DCBLD2: variants seen among roughly 807,000 people sequenced by gnomAD.
DCBLD2 encodes the protein discoidin, CUB and LCCL domain-containing protein 2.
DCBLD2 carries 54 observed loss-of-function variants against 86.8 expected under a neutral mutation model. That is an observed-to-expected ratio of 0.62 (90% CI 0.50 to 0.78). The LOEUF (loss-of-function observed/expected upper bound fraction) is 0.78. Ranked by LOEUF, DCBLD2 falls within the 30% of genes least tolerant of loss-of-function variation. The probability of loss-of-function intolerance (pLI) is 0.00; values close to 1 mark genes in which losing one functional copy is unlikely to be tolerated. For missense variants in DCBLD2, 908 were observed against 954.2 expected, an observed-to-expected ratio of 0.95 and a Z score of 0.64; for synonymous variants, 354 against 341.3, an observed-to-expected ratio of 1.04 and a Z score of -0.41.
chr3:98,884,989 G>A (rs1943535854), intron 1 of DCBLD2, among the ~76,000 whole-genome samples: 2 of 152,024 alleles, frequency 1.3e-5, no homozygotes, highest in South Asian at 2.1e-4. Context: ...ATAAATACAC[G>A]AACATTTACT....
intron 2 of DCBLD2, among the ~76,000 whole-genome samples, chr3:98,854,300 T>C (rs1202096142): frequency 1.3e-5 from 2 of 152,164 alleles, no homozygotes; most frequent in Admixed American, 6.5e-5. Context: ...TTGAGGACCA[T>C]TGTCTTATGC....
intron 2 of DCBLD2, among the ~76,000 whole-genome samples, chr3:98,879,009 T>C (rs1325899708): frequency 1.3e-5 from 2 of 152,018 alleles, no homozygotes; most frequent in African/African-American, 4.8e-5. Flanking sequence ...AGCGAGCAAT[T>C]TGAAACCTGT....
Position 98,901,114 on chromosome 3 carries a change from C to T in DCBLD2, c.205+8G>A. The T allele has an allele frequency of 6.5e-7, 1 of 1,539,612 alleles. No homozygotes were observed. Among genetic ancestry groups the T allele is most frequent in the Middle Eastern group, 1.8e-4 (1 of 5,576 alleles). On this transcript the variant is annotated splice_region_variant and intron_variant, in intron 1 of 15. Coordinates refer to ENST00000326840, the MANE Select transcript of DCBLD2 (RefSeq NM_080927.4). ...TCCCCCGCCGCTCACTCCCCTGGGA[C>T]CACTCACCTTGCTGGGCTCCAGCGT...
intron 1 of DCBLD2, among the ~76,000 whole-genome samples, chr3:98,893,882 C>A (rs1332216650): frequency 1.3e-5 from 2 of 152,176 alleles, no homozygotes; most frequent in African/African-American, 4.8e-5. Context: ...TACAAATCAG[C>A]TTTACAAAGT....
At chr3:98,885,209 C>A (rs1164582637) in intron 1 of DCBLD2, among the ~76,000 whole-genome samples, 1 of 152,096 alleles carries the variant, frequency 6.6e-6, no homozygotes, top group Non-Finnish European at 1.5e-5. Flanking sequence ...GAGCTTCCTC[C>A]TCTTGCAAGC....
chr3:98,900,792 C>T (rs1409952522), intron 1 of DCBLD2: 4 of 386,862 alleles, frequency 1.0e-5, no homozygotes, highest in African/African-American at 2.1e-5. Context: ...TGCAGCTTAA[C>T]TTTAGGGGTC....
At chr3:98,818,630 C>A (rs1218855733) in intron 8 of DCBLD2, among the ~76,000 whole-genome samples, 1 of 152,172 alleles carries the variant, frequency 6.6e-6, no homozygotes, top group African/African-American at 2.4e-5. Context: ...GACCCACCCT[C>A]AATCTGGGTC....
chr3:98,872,424 C>T (rs2107513806), intron 2 of DCBLD2, among the ~76,000 whole-genome samples: 1 of 152,246 alleles, frequency 6.6e-6, no homozygotes, highest in Admixed American at 6.5e-5. Flanking sequence ...TGAGTTGAAG[C>T]AGCACAAAAC....
At chr3:98,844,349 A>ATTATTATTATTG (rs1194759735) in intron 3 of DCBLD2, among the ~76,000 whole-genome samples, 1 of 149,538 alleles carries the variant, frequency 6.7e-6, no homozygotes, top group Non-Finnish European at 1.5e-5. Flanking sequence ...AGCATTTATT[A>ATTATTATTATTG]TTATTATTAT....
At chr3:98,810,186 T>C (rs764661654) in intron 12 of DCBLD2, among the ~76,000 whole-genome samples, 4 of 152,186 alleles carry the variant, frequency 2.6e-5, no homozygotes, top group Non-Finnish European at 5.9e-5. Context: ...CAGTGACTGA[T>C]CTCCATCCAG....
Position 98,801,629 on chromosome 3 carries a change from G to C in DCBLD2, c.1691C>G (p.Thr564Ser). 6.2e-7 allele frequency: 1 copy of C among 1,609,204 alleles called. No individual in the cohort carries two copies. The highest frequency in any genetic ancestry group is 8.5e-7 in the Non-Finnish European group (1 of 1,177,636). Residue 564 changes from threonine (T) to serine (S), a missense_variant, in exon 14 of 16, where the codon ACC (threonine) becomes AGC (serine). Physicochemically the swap from Thr to Ser is moderately conservative, Grantham distance 58. Coordinates refer to ENST00000326840, the MANE Select transcript of DCBLD2 (RefSeq NM_080927.4). Reference protein sequence around the residue: ...WRNRKKKTEGTYDLPYWDRAG... With the variant: ...WRNRKKKTEGSYDLPYWDRAG... ...CCGGTCCCAGTAAGGTAAGTCATAG[G>C]TGCCTTCAGTTTTTTTCTTTCTGGA...
chr3:98,807,510 A>G (rs1941862770), intron 13 of DCBLD2, among the ~76,000 whole-genome samples: 1 of 152,176 alleles, frequency 6.6e-6, no homozygotes, highest in Admixed American at 6.6e-5. Flanking sequence ...TAGTATCTGC[A>G]GTGTTTTGAT....
At chr3:98,838,099 A>C (rs1370241045) in intron 3 of DCBLD2, among the ~76,000 whole-genome samples, 51 of 105,718 alleles carry the variant, frequency 4.8e-4, no homozygotes, top group Admixed American at 7.8e-4. Context: ...CGGGGGCTGA[A>C]CCCCCCACCT....
chr3:98,859,066 A>G (rs893930456), intron 2 of DCBLD2, among the ~76,000 whole-genome samples: 32 of 152,196 alleles, frequency 2.1e-4, no homozygotes, highest in African/African-American at 7.2e-4. Flanking sequence ...CAAACGGCAC[A>G]CCAGGAGATT....
In DCBLD2 at chr3:98,799,663, G is replaced by A. The variant is rs771186081; in HGVS notation, c.2037C>T (p.Thr679=). ...GCCCTGACATGTCCATGATGATTGG[G>A]GTTGCATACTCAGGCCCCGTAATTG... is the stretch of plus-strand genomic sequence containing the variant. ...PLPITGPEYA[T]PIIMDMSGHP... The change falls in exon 16 of 16, where the codon ACC becomes ACT. Residue 679 remains threonine, a synonymous_variant. Coordinates refer to ENST00000326840, the MANE Select transcript of DCBLD2 (RefSeq NM_080927.4). 1.2e-6 allele frequency: 2 copies of A among 1,613,852 alleles called. No individual in the cohort carries two copies. Among genetic ancestry groups the A allele is most frequent in the African/African-American group, 1.3e-5 (1 of 74,908 alleles).
intron 2 of DCBLD2, among the ~76,000 whole-genome samples, chr3:98,859,281 T>C (rs1194666656): frequency 1.3e-5 from 2 of 152,194 alleles, no homozygotes; most frequent in Non-Finnish European, 2.9e-5. Context: ...CCTGCCTCTG[T>C]AGACTCCACC....
chr3:98,861,017 G>T (rs1943033227), intron 2 of DCBLD2, among the ~76,000 whole-genome samples: 1 of 152,258 alleles, frequency 6.6e-6, no homozygotes, highest in Admixed American at 6.5e-5. Context: ...TCAAAATAAG[G>T]AGATGGAGGA....
intron 2 of DCBLD2, among the ~76,000 whole-genome samples, chr3:98,850,672 T>C (rs1942818337): frequency 1.3e-5 from 2 of 152,208 alleles, no homozygotes; most frequent in African/African-American, 2.4e-5. Context: ...ATAAGAGTAA[T>C]GTGGACCTCC....
chr3:98,885,067 G>A (rs1474871264), intron 1 of DCBLD2, among the ~76,000 whole-genome samples: 1 of 152,074 alleles, frequency 6.6e-6, no homozygotes, highest in African/African-American at 2.4e-5. Flanking sequence ...ATGAAAAACA[G>A]GACTTTTGCA....
Sources: gnomAD v4.1 joint callset for allele counts (sites outside exome capture counted in the v4.1 genomes callset) on GRCh38, gnomAD v4.1.1 for gene constraint, MANE v1.5 for transcripts, NCBI Gene and HGNC (gene_info 2026-07-23, HGNC 2026-07-21) for gene names.